GPC5: variants seen among roughly 807,000 people sequenced by gnomAD.
The protein encoded by GPC5 is glypican-5.
In GPC5, 47 loss-of-function variants were observed where a neutral mutation model predicts 53.9. The observed-to-expected ratio is 0.87, with a 90% CI of 0.69 to 1.11. The LOEUF (loss-of-function observed/expected upper bound fraction) is 1.11, where lower values mean the gene tolerates loss of function less well. Ranked by LOEUF, GPC5 falls within the 50% of genes most tolerant of loss-of-function variation. The probability of loss-of-function intolerance (pLI) is 0.00; values close to 1 mark genes in which losing one functional copy is unlikely to be tolerated. For synonymous variants in GPC5, 286 were observed against 263.3 expected (o/e 1.09, Z -0.84); for missense variants, 748 against 713.1 (o/e 1.05, Z -0.56).
At chr13:91,853,152 A>C (rs1389665002) in intron 5 of GPC5, among the ~76,000 whole-genome samples, 1 of 152,250 alleles carries the variant, frequency 6.6e-6, no homozygotes, top group African/African-American at 2.4e-5. Context: ...TTTTTAAAAA[A>C]TTATAGAAAT....
intron 5 of GPC5, among the ~76,000 whole-genome samples, chr13:91,831,571 T>G (rs1016147215): frequency 9.2e-5 from 14 of 152,160 alleles, no homozygotes; most frequent in African/African-American, 3.4e-4. Context: ...TGAAATTATA[T>G]TGAAATACAT....
intron 7 of GPC5, among the ~76,000 whole-genome samples, chr13:92,350,386 C>G (rs986285288): frequency 7.9e-5 from 12 of 152,128 alleles, no homozygotes; most frequent in African/African-American, 4.8e-5. Context: ...CTTACTAGAA[C>G]AATTAGTCAA....
intron 7 of GPC5, among the ~76,000 whole-genome samples, chr13:92,298,844 G>C (rs565784820): frequency 1.3e-5 from 2 of 152,098 alleles, no homozygotes; most frequent in African/African-American, 4.8e-5. Context: ...CCTGCCTCTC[G>C]TCCGCCATGA....
chr13:92,759,071 G>A (rs1214396697), intron 7 of GPC5, among the ~76,000 whole-genome samples: 2 of 124,472 alleles, frequency 1.6e-5, no homozygotes, highest in African/African-American at 6.4e-5. Context: ...GACTATTTCC[G>A]GACTTTCTAC....
At chr13:92,519,293 A>G (rs1477162989) in intron 7 of GPC5, among the ~76,000 whole-genome samples, 1 of 152,226 alleles carries the variant, frequency 6.6e-6, no homozygotes, top group African/African-American at 2.4e-5. Context: ...AGACATCTAC[A>G]GAACTCTCCA....
chr13:92,417,601 G>A (rs1876369408), intron 7 of GPC5, among the ~76,000 whole-genome samples: 1 of 152,140 alleles, frequency 6.6e-6, no homozygotes. Flanking sequence ...GGACTGGTGT[G>A]GTGGCTCATG....
intron 5 of GPC5, among the ~76,000 whole-genome samples, chr13:91,806,789 T>G (rs1463355641): frequency 6.6e-6 from 1 of 152,076 alleles, no homozygotes; most frequent in Non-Finnish European, 1.5e-5. Flanking sequence ...GTCATCTAGT[T>G]TTTAAAAGGT....
At chr13:91,544,599 ATTC>A (rs1473178208) in intron 2 of GPC5, among the ~76,000 whole-genome samples, 3 of 152,170 alleles carry the variant, frequency 2.0e-5, no homozygotes, top group Non-Finnish European at 2.9e-5. Context: ...TTCATCTGAA[ATTC>A]TTCTTTTTTA....
intron 7 of GPC5, among the ~76,000 whole-genome samples, chr13:92,582,993 C>A (rs1883419089): frequency 6.6e-6 from 1 of 152,080 alleles, no homozygotes; most frequent in Admixed American, 6.6e-5. Context: ...TTTCTCTTAC[C>A]TAACTGCTCT....
intron 2 of GPC5, among the ~76,000 whole-genome samples, chr13:91,691,556 G>A (rs952912778): frequency 9.9e-5 from 15 of 152,000 alleles, no homozygotes; most frequent in East Asian, 1.9e-4. Flanking sequence ...CAATTTATAC[G>A]TACTCTATTG....
chr13:92,752,567 A>T (rs919540893), intron 7 of GPC5, among the ~76,000 whole-genome samples: 1 of 152,102 alleles, frequency 6.6e-6, no homozygotes, highest in African/African-American at 2.4e-5. Flanking sequence ...CTGCATTTCC[A>T]TCTGAGGTAC....
intron 6 of GPC5, among the ~76,000 whole-genome samples, chr13:91,980,565 C>T (rs879466374): frequency 3.9e-5 from 6 of 152,108 alleles, no homozygotes; most frequent in African/African-American, 9.7e-5. Flanking sequence ...TGTTTGTTTG[C>T]GAACTTTAAA....
At chr13:91,565,957 G>A (rs2031507364) in intron 2 of GPC5, among the ~76,000 whole-genome samples, 3 of 151,996 alleles carry the variant, frequency 2.0e-5, no homozygotes, top group Admixed American at 2.0e-4. Flanking sequence ...ATTTCAATTT[G>A]TGCTGCTGTC....
intron 7 of GPC5, among the ~76,000 whole-genome samples, chr13:92,417,496 G>A (rs1876364390): frequency 6.6e-6 from 1 of 152,116 alleles, no homozygotes. Flanking sequence ...AGGTATATAT[G>A]CCTCAAAAAT....
intron 2 of GPC5, among the ~76,000 whole-genome samples, chr13:91,667,592 G>A (rs529248035): frequency 4.6e-5 from 7 of 152,226 alleles, no homozygotes; most frequent in East Asian, 1.9e-4. Context: ...GGGATCAATC[G>A]CCAGTCTCTC....
chr13:92,422,607 T>C (rs1449974678), intron 7 of GPC5, among the ~76,000 whole-genome samples: 1 of 151,970 alleles, frequency 6.6e-6, no homozygotes. Context: ...GCTGTCTTAG[T>C]TCTCCCCACT....
chr13:92,591,519 G>C (rs944696613), intron 7 of GPC5, among the ~76,000 whole-genome samples: 1 of 152,070 alleles, frequency 6.6e-6, no homozygotes, highest in Admixed American at 6.5e-5. Context: ...AATATTTGAA[G>C]TGTATGCTCA....
chr13:92,812,130 G>A (rs1260461972), intron 7 of GPC5, among the ~76,000 whole-genome samples: 1 of 151,754 alleles, frequency 6.6e-6, no homozygotes, highest in African/African-American at 2.4e-5. Context: ...AATCAAAAAA[G>A]GTTTTTTGAT....
chr13:92,585,238 A>T (rs2139059024), intron 7 of GPC5, among the ~76,000 whole-genome samples: 1 of 152,260 alleles, frequency 6.6e-6, no homozygotes, highest in East Asian at 1.9e-4. Context: ...AACACCCAAG[A>T]TGGAGGCTAT....
Sources: gnomAD v4.1 joint callset for allele counts (sites outside exome capture counted in the v4.1 genomes callset) on GRCh38, gnomAD v4.1.1 for gene constraint, MANE v1.5 for transcripts, NCBI Gene and HGNC (gene_info 2026-07-23, HGNC 2026-07-21) for gene names.